Variants in RGS18 observed in about 807,000 individuals in gnomAD.
RGS18 encodes regulator of G protein signaling 18, also known as regulator of G-protein signaling 18.
In RGS18, 22 loss-of-function variants were observed where a neutral mutation model predicts 27.6. The ratio of observed to expected loss-of-function variants is 0.80; its 90% CI spans 0.57 to 1.14. The LOEUF is 1.14. Among genes scored for constraint, RGS18 ranks in the 50% most tolerant of loss-of-function variants. The pLI is 0.00. For synonymous variants in RGS18, 89 were observed against 84.6 expected (o/e 1.05, Z -0.29); for missense variants, 299 against 269.6 (o/e 1.11, Z -0.76).
Position 192,184,783 on chromosome 1 carries a change from C to G in RGS18, c.*229C>G. 2.4e-6 allele frequency: 1 copy of G among 420,718 alleles called. No individual in the cohort carries two copies. Among genetic ancestry groups the G allele is most frequent in the Admixed American group, 3.9e-5 (1 of 25,322 alleles). The allele number at this position is 420,718 out of a possible 1,614,324, so 26.1% of individuals were successfully genotyped here. ...ATTCCATTTATAATCAGAAAAAAAA[C>G]TTATTTCTTAATCAAAAGGCAGTAC... On this transcript the variant is annotated 3_prime_UTR_variant, in exon 5 of 5. Transcript: ENST00000367460.
At chr1:192,158,806 G>T in intron 1 of RGS18, 50 bp downstream of exon 1, 1 of 1,246,438 alleles carries the variant, frequency 8.0e-7, no homozygotes, top group Admixed American at 2.5e-5. Context: ...AAGCATAATT[G>T]AGGTTGAAGA....
chr1:192,166,898 C>T (rs938357855), intron 3 of RGS18, among the ~76,000 whole-genome samples: 1 of 152,130 alleles, frequency 6.6e-6, no homozygotes, highest in Non-Finnish European at 1.5e-5. Context: ...TTCTAACCAG[C>T]TCACATTGTT....
At chr1:192,161,445 T>C (rs942411060) in intron 3 of RGS18, 1 of 152,168 alleles carries the variant, frequency 6.6e-6, no homozygotes, top group Admixed American at 6.5e-5. Flanking sequence ...TTTTATGCTT[T>C]CTTTCAGATA....
At chr1:192,171,654 C>A (rs1571389530) in intron 3 of RGS18, among the ~76,000 whole-genome samples, 1 of 152,132 alleles carries the variant, frequency 6.6e-6, no homozygotes, top group East Asian at 1.9e-4. Context: ...TCATTCCATA[C>A]TATAAAGCTT....
At chr1:192,183,422 T>A (rs986378388) in intron 4 of RGS18, among the ~76,000 whole-genome samples, 2 of 151,698 alleles carry the variant, frequency 1.3e-5, no homozygotes, top group African/African-American at 4.8e-5. Context: ...TTTTTTCCCA[T>A]GACTCAAATA....
At chr1:192,178,508 GT>G (rs2102159425) in intron 3 of RGS18, among the ~76,000 whole-genome samples, 1 of 151,722 alleles carries the variant, frequency 6.6e-6, no homozygotes, top group Admixed American at 6.6e-5. Context: ...AAACTCTGGA[GT>G]TTAGCTGCCA....
At chr1:192,164,414 G>C (rs998703429) in intron 3 of RGS18, among the ~76,000 whole-genome samples, 10 of 151,980 alleles carry the variant, frequency 6.6e-5, no homozygotes, top group Non-Finnish European at 1.2e-4. Flanking sequence ...ACTGATTTTT[G>C]CTCTATTCCA....
chr1:192,168,575 G>A (rs1176502313), intron 3 of RGS18: 1 of 152,116 alleles, frequency 6.6e-6, no homozygotes, highest in African/African-American at 2.4e-5. Context: ...AATTAGTGAA[G>A]GACTCTATTT....
intron 3 of RGS18, among the ~76,000 whole-genome samples, chr1:192,174,105 A>T (rs1656316097): frequency 6.6e-6 from 1 of 151,614 alleles, no homozygotes; most frequent in African/African-American, 2.4e-5. Flanking sequence ...GATCTGCTGT[A>T]CTTTCACTAT....
At chr1:192,180,774 A>C (rs1000446173) in intron 3 of RGS18, among the ~76,000 whole-genome samples, 1 of 151,678 alleles carries the variant, frequency 6.6e-6, no homozygotes, top group African/African-American at 2.4e-5. Context: ...AGCCTTGTTC[A>C]TACTCGGGCC....
At chr1:192,167,292 C>A (rs951612848) in intron 3 of RGS18, among the ~76,000 whole-genome samples, 1 of 152,064 alleles carries the variant, frequency 6.6e-6, no homozygotes, top group Non-Finnish European at 1.5e-5. Flanking sequence ...TTTTCTTATA[C>A]TTTTCACCTT....
intron 3 of RGS18, among the ~76,000 whole-genome samples, chr1:192,177,519 A>G (rs747587193): frequency 6.6e-6 from 1 of 151,744 alleles, no homozygotes; most frequent in Non-Finnish European, 1.5e-5. Context: ...TTCGTCTTAT[A>G]TATGTTACAG....
chr1:192,165,904 T>C (rs1571386930), intron 3 of RGS18, among the ~76,000 whole-genome samples: 1 of 152,340 alleles, frequency 6.6e-6, no homozygotes, highest in Non-Finnish European at 1.5e-5. Context: ...TGTAGTTTAA[T>C]ACTACATGTA....
In RGS18 at chr1:192,184,320, A is replaced by C. The variant is rs1280168021; in HGVS notation, c.474A>C (p.Lys158Asn). ...PKEVNLDFHT[K>N]EVITNSITQP... is the part of the protein sequence containing the mutation. ...AGGTTAACCTTGATTTTCACACAAAAGAAGTCATTACAAACAGCATCACTC... is the reference window on the plus strand; with the variant it reads ...AGGTTAACCTTGATTTTCACACAAACGAAGTCATTACAAACAGCATCACTC... The change falls in exon 5 of 5, where the codon AAA becomes AAC. Residue 158 changes from lysine to asparagine, a missense_variant. Lys to Asn is a moderately conservative substitution (Grantham distance 94). Coordinates refer to ENST00000367460, the MANE Select transcript of RGS18 (RefSeq NM_130782.3). 3.1e-6 allele frequency: 5 copies of C among 1,609,724 alleles called. No homozygotes were observed. The highest frequency in any genetic ancestry group is 4.2e-6 in the Non-Finnish European group (5 of 1,176,894).
intron 3 of RGS18, among the ~76,000 whole-genome samples, chr1:192,163,869 ATT>A (rs67421126): frequency 7.3e-4 from 100 of 137,516 alleles, no homozygotes; most frequent in South Asian, 4.4e-3. Flanking sequence ...ATATATATAT[ATT>A]TTTTTTTTTT....
chr1:192,182,699 TAA>T (rs1656477334), intron 4 of RGS18, among the ~76,000 whole-genome samples: 2 of 151,674 alleles, frequency 1.3e-5, no homozygotes, highest in South Asian at 2.1e-4. Flanking sequence ...CATTCTAGAC[TAA>T]GAGTGAATAT....
intron 3 of RGS18, among the ~76,000 whole-genome samples, chr1:192,162,358 G>T (rs1656088938): frequency 6.6e-6 from 1 of 151,940 alleles, no homozygotes; most frequent in African/African-American, 2.4e-5. Context: ...GCCTAGGCTG[G>T]AGTGCACTGG....
intron 3 of RGS18, among the ~76,000 whole-genome samples, chr1:192,174,623 T>G (rs1038661847): frequency 5.3e-5 from 8 of 151,900 alleles, no homozygotes; most frequent in Non-Finnish European, 1.0e-4. Flanking sequence ...GATTGTTATG[T>G]ACTAGTAATA....
intron 3 of RGS18, among the ~76,000 whole-genome samples, chr1:192,171,186 T>A (rs1241229213): frequency 1.3e-5 from 2 of 152,036 alleles, no homozygotes; most frequent in African/African-American, 4.8e-5. Context: ...CATTTATATT[T>A]CCCTTTTACA....
Sources: gnomAD v4.1 joint callset for allele counts (sites outside exome capture counted in the v4.1 genomes callset) on GRCh38, gnomAD v4.1.1 for gene constraint, MANE v1.5 for transcripts, NCBI Gene and HGNC (gene_info 2026-07-23, HGNC 2026-07-21) for gene names.